The following IGSF21 variants were observed in gnomAD, a reference collection of about 807,000 sequenced individuals.
The protein encoded by IGSF21 is immunoglobin superfamily member 21.
In IGSF21, 28 loss-of-function variants were observed where a neutral mutation model predicts 46.8. The observed-to-expected ratio is 0.60, with a 90% confidence interval of 0.44 to 0.82. The LOEUF is 0.82. Among genes scored for constraint, IGSF21 ranks in the 40% least tolerant of loss-of-function variants. IGSF21 has a pLI of 0.00. For synonymous variants in IGSF21, 284 were observed against 273.6 expected, an observed-to-expected ratio of 1.04 and a Z score of -0.38; for missense variants, 624 against 665.5, an observed-to-expected ratio of 0.94 and a Z score of 0.69.
At chr1:18,267,844 TTC>T (rs1228777141) in intron 2 of IGSF21, among the ~76,000 whole-genome samples, 5 of 152,248 alleles carry the variant, frequency 3.3e-5, no homozygotes, top group Admixed American at 2.6e-4. Context: ...ATAAATAAGA[TTC>T]TGTTTGAACA....
At chr1:18,116,746 C>A (rs559439981) in intron 1 of IGSF21, among the ~76,000 whole-genome samples, 2 of 152,212 alleles carry the variant, frequency 1.3e-5, no homozygotes, top group Non-Finnish European at 1.5e-5. Flanking sequence ...AATCAAATGG[C>A]CAATACAGGG....
At chr1:18,214,907 A>C (rs2124494296) in intron 1 of IGSF21, among the ~76,000 whole-genome samples, 1 of 152,182 alleles carries the variant, frequency 6.6e-6, no homozygotes, top group South Asian at 2.1e-4. Context: ...ACACCAAGCT[A>C]ATTTTTGTAT....
intron 2 of IGSF21, among the ~76,000 whole-genome samples, chr1:18,265,907 G>A (rs2084985354): frequency 6.6e-6 from 1 of 152,224 alleles, no homozygotes; most frequent in Non-Finnish European, 1.5e-5. Flanking sequence ...ATTTTCTCCA[G>A]CAGGTTTTCC....
chr1:18,145,632 C>T (rs1034472479), intron 1 of IGSF21, among the ~76,000 whole-genome samples: 3 of 152,058 alleles, frequency 2.0e-5, no homozygotes, highest in South Asian at 2.1e-4. Flanking sequence ...GCAATAAATA[C>T]GAGGACTGTA....
chr1:18,276,588 A>C (rs1024860214), intron 2 of IGSF21, among the ~76,000 whole-genome samples: 1 of 152,132 alleles, frequency 6.6e-6, no homozygotes. Context: ...TAATGCAGGA[A>C]TCTCAAAGAA....
At chr1:18,256,291 A>G (rs951309601) in intron 2 of IGSF21, among the ~76,000 whole-genome samples, 1 of 152,226 alleles carries the variant, frequency 6.6e-6, no homozygotes, top group African/African-American at 2.4e-5. Flanking sequence ...ACGCAACTGC[A>G]CTGCAATGGT....
intron 4 of IGSF21, among the ~76,000 whole-genome samples, chr1:18,356,845 A>G (rs1038064167): frequency 6.6e-6 from 1 of 151,966 alleles, no homozygotes; most frequent in African/African-American, 2.4e-5. Context: ...ATAGGAATGG[A>G]GGTGGGATAG....
intron 4 of IGSF21, among the ~76,000 whole-genome samples, chr1:18,339,946 T>TG (rs2085814800): frequency 6.6e-6 from 1 of 152,176 alleles, no homozygotes; most frequent in Admixed American, 6.5e-5. Flanking sequence ...GCACTGAACT[T>TG]GGAGTCCAGC....
intron 5 of IGSF21, among the ~76,000 whole-genome samples, chr1:18,364,508 T>G (rs903309353): frequency 2.6e-5 from 4 of 151,008 alleles, no homozygotes; most frequent in Non-Finnish European, 5.9e-5. Context: ...CCCTATCGAT[T>G]TATTTATCAG....
chr1:18,181,790 A>G (rs1302418236), intron 1 of IGSF21, among the ~76,000 whole-genome samples: 1 of 152,206 alleles, frequency 6.6e-6, no homozygotes, highest in African/African-American at 2.4e-5. Flanking sequence ...CCCTTGGCCC[A>G]GGCAGCATTT....
chr1:18,227,091 G>A (rs990603216), intron 1 of IGSF21, among the ~76,000 whole-genome samples: 4 of 152,324 alleles, frequency 2.6e-5, no homozygotes, highest in Non-Finnish European at 5.9e-5. Flanking sequence ...AGCATCACCT[G>A]GTGTTTGCAA....
chr1:18,304,520 A>G (rs959608331), intron 3 of IGSF21, among the ~76,000 whole-genome samples: 1 of 152,200 alleles, frequency 6.6e-6, no homozygotes, highest in South Asian at 2.1e-4. Context: ...GTAAGGTCAC[A>G]CAGCAAGCCA....
At chr1:18,374,465 C>T (rs884322) in intron 6 of IGSF21, among the ~76,000 whole-genome samples, 1,847 of 152,228 alleles carry the variant, frequency 0.012, 30 homozygotes, top group African/African-American at 0.041. Flanking sequence ...AGGGGAGCCA[C>T]TCATCCAAGG....
intron 1 of IGSF21, among the ~76,000 whole-genome samples, chr1:18,128,985 C>A (rs2086296190): frequency 6.6e-6 from 1 of 152,132 alleles, no homozygotes; most frequent in Non-Finnish European, 1.5e-5. Flanking sequence ...TCAAAGCTGG[C>A]AGGCATTGGG....
chr1:18,354,881 GGTTTATGTTT>G, intron 4 of IGSF21, among the ~76,000 whole-genome samples: 1 of 71,738 alleles, frequency 1.4e-5, no homozygotes, highest in Non-Finnish European at 2.9e-5. Context: ...CCTTACAGAA[GGTTTATGTTT>G]GCTTTCCTGT....
chr1:18,225,085 T>TCTCTCTCTCTCTCTCTCTCTCTCACA, intron 1 of IGSF21, among the ~76,000 whole-genome samples: 19 of 51,602 alleles, frequency 3.7e-4, no homozygotes, highest in African/African-American at 8.5e-4. Flanking sequence ...TCTCTCTCTC[T>TCTCTCTCTCTCTCTCTCTCTCTCACA]CACACACACA....
intron 1 of IGSF21, among the ~76,000 whole-genome samples, chr1:18,148,813 G>T (rs1157207922): frequency 6.6e-6 from 1 of 152,088 alleles, no homozygotes. Flanking sequence ...ATAAGAAGTG[G>T]AAAAAACAAG....
chr1:18,340,809 C>A (rs1238936698), intron 4 of IGSF21, among the ~76,000 whole-genome samples: 1 of 151,930 alleles, frequency 6.6e-6, no homozygotes, highest in Non-Finnish European at 1.5e-5. Flanking sequence ...CCGATCTCTG[C>A]CTCTCTCATC....
intron 3 of IGSF21, among the ~76,000 whole-genome samples, chr1:18,324,230 T>G (rs2085634855): frequency 6.6e-6 from 1 of 152,188 alleles, no homozygotes; most frequent in Non-Finnish European, 1.5e-5. Context: ...TTTTCCCTGT[T>G]TGGCTGGGGG....
Sources: gnomAD v4.1 joint callset for allele counts (sites outside exome capture counted in the v4.1 genomes callset) on GRCh38, gnomAD v4.1.1 for gene constraint, MANE v1.5 for transcripts, NCBI Gene and HGNC (gene_info 2026-07-23, HGNC 2026-07-21) for gene names.